The following BBOF1 variants were observed in gnomAD, a reference collection of about 807,000 sequenced individuals.
BBOF1 encodes basal body orientation factor 1, also known as basal body-orientation factor 1.
Under a neutral mutation model 68.0 loss-of-function variants are expected in BBOF1, and 62 were observed. The ratio of observed to expected loss-of-function variants is 0.91; its 90% CI spans 0.74 to 1.13. The LOEUF is 1.13. BBOF1 is among the 50% of genes most tolerant of loss of function. The probability of loss-of-function intolerance (pLI) is 0.00; values close to 1 mark genes in which losing one functional copy is unlikely to be tolerated. For missense variants in BBOF1, 534 were observed against 600.1 expected, an observed-to-expected ratio of 0.89 and a Z score of 1.15; for synonymous variants, 208 against 198.8, an observed-to-expected ratio of 1.05 and a Z score of -0.39.
chr14:74,032,213 G>A (rs1053167035), intron 3 of BBOF1, among the ~76,000 whole-genome samples: 4 of 136,698 alleles, frequency 2.9e-5, no homozygotes, highest in East Asian at 2.5e-4. Flanking sequence ...TGCAACTTCC[G>A]CCTCCCGGGT....
chr14:74,041,692 G>T (rs893737296), intron 5 of BBOF1, among the ~76,000 whole-genome samples: 10 of 152,180 alleles, frequency 6.6e-5, no homozygotes, highest in South Asian at 2.1e-4. Flanking sequence ...AGTAGTTGGG[G>T]CTACAGGCAT....
downstream of BBOF1, chr14:74,069,379 G>C: frequency 3.5e-6 from 1 of 289,548 alleles, no homozygotes; most frequent in Non-Finnish European, 6.7e-6. Flanking sequence ...TGGGATTACA[G>C]GTGTGAGCCA....
intron 11 of BBOF1, among the ~76,000 whole-genome samples, chr14:74,060,999 A>G (rs1566824589): frequency 6.6e-6 from 1 of 152,090 alleles, no homozygotes; most frequent in Non-Finnish European, 1.5e-5. Flanking sequence ...TTTGTTTGAG[A>G]TGGAGTCTTG....
chr14:74,039,520 C>T (rs946179297), intron 4 of BBOF1, among the ~76,000 whole-genome samples: 1 of 151,986 alleles, frequency 6.6e-6, no homozygotes, highest in Non-Finnish European at 1.5e-5. Context: ...CTTCTGCCTC[C>T]TGGGTTCAAG....
chr14:74,057,308 C>A, intron 11 of BBOF1, 50 bp downstream of exon 11: 1 of 1,612,316 alleles, frequency 6.2e-7, no homozygotes, highest in South Asian at 1.1e-5. Flanking sequence ...TCACCCTTCC[C>A]CATGTCGCTT....
intron 2 of BBOF1, 25 bp from the exon 3 acceptor site, chr14:74,029,159 G>T: frequency 1.4e-6 from 2 of 1,463,930 alleles, no homozygotes; most frequent in South Asian, 2.4e-5. Flanking sequence ...TTATCTTCAT[G>T]ACCCTGTATT....
chr14:74,057,958 C>A, intron 11 of BBOF1: 1 of 907,370 alleles, frequency 1.1e-6, no homozygotes, highest in Non-Finnish European at 1.3e-6. Context: ...TCTGTGACTA[C>A]ATTTAATTCC....
downstream of BBOF1, chr14:74,070,752 C>G (rs1207317129): frequency 3.3e-5 from 6 of 182,918 alleles, no homozygotes; most frequent in East Asian, 9.2e-4. Context: ...ATACCTACCT[C>G]AAAGGGTGAT....
intron 5 of BBOF1, among the ~76,000 whole-genome samples, chr14:74,045,584 C>CA: frequency 6.6e-6 from 1 of 152,324 alleles, no homozygotes; most frequent in South Asian, 2.1e-4. Context: ...GTTGGGATTA[C>CA]AGGCGTGAGC....
At chr14:74,055,976 G>A (rs1380993333) in intron 9 of BBOF1, among the ~76,000 whole-genome samples, 1 of 152,058 alleles carries the variant, frequency 6.6e-6, no homozygotes, top group Non-Finnish European at 1.5e-5. Flanking sequence ...AGCTGAATGA[G>A]TGGCAACTGA....
chr14:74,065,347 C>T lies in BBOF1; in HGVS notation c.*648C>T, dbSNP rs762571931. The T allele has an allele frequency of 1.2e-6, 2 of 1,614,040 alleles. No individual in the cohort carries two copies. ...TGGACCAAAAATCTCCTCTTTGTAA[C>T]AGGTCATATTTGGCTGCCAGGAGTG... is the stretch of plus-strand genomic sequence containing the variant. On this transcript the variant is annotated 3_prime_UTR_variant, in exon 12 of 12. Coordinates refer to ENST00000394009, the MANE Select transcript of BBOF1 (RefSeq NM_025057.3).
intron 11 of BBOF1, chr14:74,058,734 T>C (rs1337117147): frequency 6.6e-6 from 1 of 152,234 alleles, no homozygotes; most frequent in Non-Finnish European, 1.5e-5. Flanking sequence ...GAATCCATTC[T>C]GTTCAGCACA....
chr14:74,062,182 G>A (rs1443637619), intron 11 of BBOF1, among the ~76,000 whole-genome samples: 2 of 151,206 alleles, frequency 1.3e-5, no homozygotes, highest in Non-Finnish European at 2.9e-5. Context: ...GGGCAACAGA[G>A]CAAAACTCCC....
chr14:74,049,677 T>A, intron 7 of BBOF1, 25 bp from the exon 8 acceptor site: 2 of 1,524,712 alleles, frequency 1.3e-6, no homozygotes, highest in Non-Finnish European at 1.8e-6. Flanking sequence ...AAAAAAAAAA[T>A]CACCTCTCAT....
chr14:74,077,465 T>C (rs919524983), intron 9 of BBOF1, among the ~76,000 whole-genome samples: 1 of 152,186 alleles, frequency 6.6e-6, no homozygotes, highest in Non-Finnish European at 1.5e-5. Flanking sequence ...GGAATGGCTC[T>C]AGCTTCTGGC....
chr14:74,063,742 T>A (rs1257862942), intron 11 of BBOF1, among the ~76,000 whole-genome samples: 1 of 151,170 alleles, frequency 6.6e-6, no homozygotes, highest in African/African-American at 2.4e-5. Context: ...GGTGGGCATC[T>A]GTAATCCCAG....
chr14:74,034,202 A>G, intron 4 of BBOF1, 31 bp downstream of exon 4: 3 of 1,448,386 alleles, frequency 2.1e-6, no homozygotes, highest in Non-Finnish European at 2.8e-6. Context: ...ACAAAAAGGA[A>G]ATTAGAATTA....
intron 8 of BBOF1, chr14:74,054,700 A>T: frequency 7.4e-6 from 1 of 135,552 alleles, no homozygotes; most frequent in Admixed American, 7.6e-5. Flanking sequence ...TTTTTTGAGA[A>T]GGAGTCTTGC....
chr14:74,030,812 C>T (rs2059549222), intron 3 of BBOF1, among the ~76,000 whole-genome samples: 1 of 151,900 alleles, frequency 6.6e-6, no homozygotes, highest in African/African-American at 2.4e-5. Flanking sequence ...TCTTCTCCCT[C>T]TCCCTGTAGA....
Sources: allele counts gnomAD v4.1 joint callset (sites outside exome capture counted in the v4.1 genomes callset), GRCh38; gene constraint gnomAD v4.1.1; transcripts MANE v1.5; gene names NCBI Gene and HGNC (gene_info 2026-07-23, HGNC 2026-07-21).